Variants in ALPK3 observed in about 807,000 individuals in gnomAD.
ALPK3 encodes the protein alpha-protein kinase 3.
A neutral mutation model predicts 140.0 loss-of-function variants in ALPK3; 102 were observed. The observed-to-expected ratio is 0.73, with a 90% confidence interval of 0.62 to 0.86. The LOEUF is 0.86. Ranked by LOEUF, ALPK3 falls within the 40% of genes least tolerant of loss-of-function variation. The pLI is 0.00. For missense variants in ALPK3, 2,254 were observed against 2,208.2 expected (o/e 1.02, Z -0.42); for synonymous variants, 938 against 898.5 (o/e 1.04, Z -0.79).
intron 12 of ALPK3, among the ~76,000 whole-genome samples, chr15:84,866,003 A>T (rs192189506): frequency 1.3e-5 from 2 of 152,318 alleles, no homozygotes; most frequent in Admixed American, 1.3e-4. Context: ...CTTCTAGCTG[A>T]GTCTGTTTTA....
rs763590744 is a variant in ALPK3, at chr15:84,868,160, G to A, written c.4822G>A (p.Ala1608Thr). The A allele has an allele frequency of 8.7e-6, 14 of 1,613,750 alleles. No individual in the cohort carries two copies. Among genetic ancestry groups the A allele is most frequent in the East Asian group, 2.2e-5 (1 of 44,888 alleles). The change falls in exon 14 of 14, where the codon GCC becomes ACC. Residue 1608 changes from alanine (A) to threonine (T), a missense_variant. By Grantham distance (58) the Ala-to-Thr change is moderately conservative. Around this residue, in one of 3 missense-constraint regions of ALPK3, gnomAD observed 158 missense variants for 159.8 expected, o/e 0.99. Coordinates refer to ENST00000258888, the MANE Select transcript of ALPK3 (RefSeq NM_020778.5). ...SCFPALLDRF[A>T]SSHQCNAYCE... Reference sequence around the variant, plus strand: ...CTTCCCTGCCCTGCTGGACCGGTTCGCCTCCTCCCACCAGTGCAATGCCTA... The same window carrying A: ...CTTCCCTGCCCTGCTGGACCGGTTCACCTCCTCCCACCAGTGCAATGCCTA...
chr15:84,859,317 T>G lies in ALPK3; in HGVS notation c.3892T>G (p.Phe1298Val). 1 of 1,614,024 alleles carries G rather than the reference T, an allele frequency of 6.2e-7. No homozygotes were observed. The highest frequency in any genetic ancestry group is 8.5e-7 in the Non-Finnish European group (1 of 1,180,002). ...CGGTAGCCTGAAGCTGTGGTGCCAG[T>G]TTTTCAACATTCTTAGTGACTCAGT... ...ASGSLKLWCQ[F>V]FNILSDSVLT... is the part of the protein sequence containing the mutation. The change falls in exon 7 of 14, where the codon TTT (phenylalanine) becomes GTT (valine). Residue 1298 changes from phenylalanine to valine, a missense_variant. Physicochemically the swap from Phe to Val is conservative, Grantham distance 50 (BLOSUM62 -1). Coordinates refer to ENST00000258888, the MANE Select transcript of ALPK3 (RefSeq NM_020778.5).
Position 84,863,630 on chromosome 15 carries a change from G to A in ALPK3, c.4489G>A (p.Glu1497Lys), listed in dbSNP as rs201240006. The A allele has an allele frequency of 5.3e-5, 85 of 1,613,900 alleles. No homozygotes were observed. Among genetic ancestry groups the A allele is most frequent in the Non-Finnish European group, 6.3e-5 (74 of 1,179,972 alleles). ...AGCCCGGGCCGCGCCTGGCTTTGGG[G>A]AGGTGCCTGAGTAAGTACGCAGCGA... is the stretch of plus-strand genomic sequence containing the variant. ...AEARAAPGFG[E>K]VPEIIPLYLI... is the part of the protein sequence containing the mutation. The change falls in exon 11 of 14, where the codon GAG becomes AAG. Residue 1497 changes from glutamate to lysine, a missense_variant. By Grantham distance (56) the Glu-to-Lys change is moderately conservative. Coordinates refer to ENST00000258888, the MANE Select transcript of ALPK3 (RefSeq NM_020778.5).
chr15:84,845,131 C>CT (rs770565758), intron 5 of ALPK3, among the ~76,000 whole-genome samples: 19,625 of 147,020 alleles, frequency 0.13, 1,441 homozygotes, highest in South Asian at 0.21. Flanking sequence ...ACGGTGTTTA[C>CT]TTTTTTTTTT....
In ALPK3 at chr15:84,838,582, C is replaced by T. The variant is rs545915386; in HGVS notation, c.305-398C>T. 4.0e-5 allele frequency among the ~76,000 whole-genome samples: 6 copies of T among 150,838 alleles called. No homozygotes were observed. The East Asian group carries it at 1.2e-3, about 29-fold the overall frequency. ...CTTCAGGTGGTCTGGGAAGCCACGGCCTCGTGTTCTCTCCTCCCATTATTA... is the reference window on the plus strand; with the variant it reads ...CTTCAGGTGGTCTGGGAAGCCACGGTCTCGTGTTCTCTCCTCCCATTATTA... On this transcript the variant is annotated intron_variant, in intron 3 of 13. Transcript: ENST00000258888.
At chr15:84,866,784 C>T (rs1237800779) in intron 12 of ALPK3, among the ~76,000 whole-genome samples, 1 of 152,024 alleles carries the variant, frequency 6.6e-6, no homozygotes, top group Non-Finnish European at 1.5e-5. Flanking sequence ...TCATTCCCAT[C>T]CCTCTCTTTT....
At chr15:84,841,520 T>G (rs989533911) in intron 5 of ALPK3, among the ~76,000 whole-genome samples, 2 of 152,246 alleles carry the variant, frequency 1.3e-5, no homozygotes, top group Non-Finnish European at 2.9e-5. Context: ...GTAGGGCTGT[T>G]GTAAGAATCT....
At position 84,817,390 on chromosome 15, in the gene ALPK3, G is replaced by C. The variant is rs990569157; in HGVS notation, c.-63G>C. 1.6e-5 allele frequency: 19 copies of C among 1,218,216 alleles called. No homozygotes were observed. In the African/African-American group the frequency reaches 2.5e-4, roughly 16 times the overall value. 75.5% of individuals were successfully genotyped at this position (1,218,216 alleles called of 1,614,324 possible). On this transcript the variant is annotated 5_prime_UTR_variant, in exon 1 of 14. Transcript: ENST00000258888. ...GGCGGCGGGCAGGGGCCCGGGGGCC[G>C]GGGCCTGGAGGACAGGCGAGGCAGC...
intron 2 of ALPK3, among the ~76,000 whole-genome samples, 195 bp from the exon 3 acceptor site, chr15:84,827,289 A>G (rs1413880847): frequency 6.6e-6 from 1 of 152,228 alleles, no homozygotes; most frequent in Non-Finnish European, 1.5e-5. Context: ...CCAGGATTCC[A>G]TTCAACCCCT....
Position 84,843,076 on chromosome 15 carries a change from C to T in ALPK3, c.1653+2144C>T, listed in dbSNP as rs78773095. On this transcript the variant is annotated intron_variant, in intron 5 of 13. Transcript: ENST00000258888. The stretch of plus-strand genomic sequence containing the variant: ...CTGGTAGGGCCAGAGGAGGAAGTAC[C>T]AGCCCCCTCTTCCTTGCCTCCCAAA... Among the ~76,000 whole-genome samples the T allele has an allele frequency of 9.2e-3, 1,394 of 152,306 alleles. 23 individuals are homozygous for T. The highest frequency in any genetic ancestry group is 0.029 in the African/African-American group (1,185 of 41,576).
At chr15:84,817,779 T>C (rs917669994) in intron 1 of ALPK3, among the ~76,000 whole-genome samples, 184 bp downstream of exon 1, 2 of 152,128 alleles carry the variant, frequency 1.3e-5, no homozygotes, top group Non-Finnish European at 1.5e-5. Flanking sequence ...TTGTGACCCC[T>C]CCTGATCCAT....
At chr15:84,838,911 C>A in intron 3 of ALPK3, 69 bp from the exon 4 acceptor site, 2 of 1,400,876 alleles carry the variant, frequency 1.4e-6, no homozygotes, top group South Asian at 1.2e-5. Flanking sequence ...CGTGAGCCAC[C>A]GTGCCCGGCC....
intron 2 of ALPK3, among the ~76,000 whole-genome samples, chr15:84,824,692 C>T (rs763535794): frequency 2.0e-5 from 3 of 152,038 alleles, no homozygotes; most frequent in African/African-American, 4.8e-5. Flanking sequence ...TACCTAAGGG[C>T]GAGGTTAGGT....
chr15:84,868,028 A>G (rs1157761972), intron 13 of ALPK3, 83 bp from the exon 14 acceptor site: 1 of 1,396,874 alleles, frequency 7.2e-7, no homozygotes, highest in Non-Finnish European at 9.8e-7. Context: ...CGACATCCTG[A>G]TGATGGCCAC....
rs78466706 is a variant in ALPK3 at position 84,828,600 on chromosome 15, C to G, written c.304+995C>G. Among the ~76,000 whole-genome samples the G allele has an allele frequency of 6.6e-5, 10 of 152,324 alleles. No individual in the cohort carries two copies. In the South Asian group the frequency reaches 1.9e-3, roughly 28 times the overall value. ...ACCCCAGCCAGTAAACAGCTTCTCA[C>G]TTGGGCAGTTCTCACCCTTACTCAA... On this transcript the variant is annotated intron_variant, in intron 3 of 13. Transcript: ENST00000258888.
rs767010137 is a variant in ALPK3 at position 84,858,519 on chromosome 15, C to T, written c.3781C>T (p.Leu1261=). 3.2e-6 allele frequency: 5 copies of T among 1,587,244 alleles called. No individual in the cohort carries two copies. In the South Asian group the frequency reaches 4.6e-5, roughly 14 times the overall value. ...CCTGGATGAAGGCAAGCAGGAGACA[C>T]TGGCCAAGCCCAGGAAAGCCAAAGA... The part of the protein sequence containing the change: ...VALDEGKQET[L]AKPRKAKDLL... The change falls in exon 6 of 14, where the codon CTG becomes TTG. Residue 1261 remains leucine, a synonymous_variant. Coordinates refer to ENST00000258888, the MANE Select transcript of ALPK3 (RefSeq NM_020778.5).
chr15:84,863,600 G>A lies in ALPK3; in HGVS notation c.4459G>A (p.Ala1487Thr). Residue 1487 changes from alanine to threonine, a missense_variant, in exon 11 of 14, where the codon GCA becomes ACA. Transcript: ENST00000258888. ...MSREYCKIFA[A>T]EARAAPGFGE... ...TCGGGAGTACTGCAAAATCTTCGCA[G>A]CAGAAGCCCGGGCCGCGCCTGGCTT... 1 of 1,614,106 alleles carries A rather than the reference G, an allele frequency of 6.2e-7. No homozygotes were observed. The highest frequency in any genetic ancestry group is 8.5e-7 in the Non-Finnish European group (1 of 1,180,000).
In ALPK3 at chr15:84,871,897, T is replaced by G. The variant is rs1442529985; in HGVS notation, c.*3441T>G. On this transcript the variant is annotated 3_prime_UTR_variant, in exon 14 of 14. Transcript: ENST00000258888. ...ATGTTTATGGCATTTGAGAATTCCA[T>G]GGATATTGATGGCAGGAGAGGCATG... 6.6e-6 allele frequency: 1 copy of G among 152,202 alleles called. No individual in the cohort carries two copies. Among genetic ancestry groups the G allele is most frequent in the Non-Finnish European group, 1.5e-5 (1 of 68,038 alleles). 9.4% of individuals were successfully genotyped at this position (152,202 alleles called of 1,614,324 possible).
In ALPK3 at chr15:84,847,205, CGGGGAGAGAGAG is replaced by C. The variant is rs1158500302; in HGVS notation, c.1653+6274_1653+6285del. 1.4e-3 allele frequency among the ~76,000 whole-genome samples: 151 copies of C among 106,944 alleles called. 1 individual carries two copies. Among genetic ancestry groups the C allele is most frequent in the South Asian group, 2.3e-3 (7 of 3,038 alleles). The allele number at this position is 106,944 out of a possible 152,430, so 70.2% of individuals were successfully genotyped here. A position where few individuals can be genotyped will look rare whatever the true frequency, so the allele number is the denominator to read the frequency against. On this transcript the variant is annotated intron_variant, in intron 5 of 13. Coordinates refer to ENST00000258888, the MANE Select transcript of ALPK3 (RefSeq NM_020778.5). ...AGAGAGAGAGGAAGGGAGGGAGAAA[CGGGGAGAGAGAG>C]AGAGAGAGAGAGAGAGAGAGAGAGA... is the stretch of plus-strand genomic sequence containing the variant.
Sources: allele counts gnomAD v4.1 joint callset (sites outside exome capture counted in the v4.1 genomes callset), GRCh38; gene constraint gnomAD v4.1.1; regional missense constraint gnomAD v4.1.1; transcripts MANE v1.5; gene names NCBI Gene and HGNC (gene_info 2026-07-23, HGNC 2026-07-21).